LSAMP: variants seen among roughly 807,000 people sequenced by gnomAD.
LSAMP encodes limbic system associated membrane protein.
A neutral mutation model predicts 38.6 loss-of-function variants in LSAMP; 7 were observed. That is an observed-to-expected ratio of 0.18 (90% confidence interval 0.10 to 0.34). LSAMP has a LOEUF of 0.34. LSAMP is among the 10% of genes least tolerant of loss of function. The pLI is 1.00. For synonymous variants in LSAMP, 154 were observed against 166.8 expected (o/e 0.92, Z 0.59); for missense variants, 313 against 420.0 (o/e 0.75, Z 2.23).
chr3:115,988,486 A>C (rs562693261), intron 3 of LSAMP, among the ~76,000 whole-genome samples: 1 of 152,132 alleles, frequency 6.6e-6, no homozygotes, highest in Non-Finnish European at 1.5e-5. Flanking sequence ...TTTTAAGAGA[A>C]ATATGAGGTC....
chr3:116,169,250 T>A (rs1315785599), intron 1 of LSAMP, among the ~76,000 whole-genome samples: 1 of 151,654 alleles, frequency 6.6e-6, no homozygotes, highest in East Asian at 1.9e-4. Context: ...CTGTTGGGAG[T>A]CAGGATAAGG....
In LSAMP at chr3:116,323,305, T is replaced by C. The variant is rs531787252; in HGVS notation, c.155+121572A>G. On this transcript the variant is annotated intron_variant, in intron 1 of 6. Coordinates refer to ENST00000490035, the MANE Select transcript of LSAMP (RefSeq NM_002338.5). ...CCCTTACTTTTGCATACCTTTTTTT[T>C]CCCCCAAACTATATCTGGTCAATCA... 1.3e-4 allele frequency among the ~76,000 whole-genome samples: 20 copies of C among 152,204 alleles called. No individual in the cohort carries two copies. In the South Asian group the frequency reaches 3.3e-3, roughly 25 times the overall value.
intron 3 of LSAMP, among the ~76,000 whole-genome samples, chr3:115,941,586 T>TAC (rs1435449152): frequency 1.3e-5 from 2 of 151,766 alleles, no homozygotes; most frequent in Admixed American, 6.6e-5. Context: ...CACACACAGA[T>TAC]ACACACACAC....
At chr3:116,235,050 C>T (rs2046448371) in intron 1 of LSAMP, among the ~76,000 whole-genome samples, 1 of 151,908 alleles carries the variant, frequency 6.6e-6, no homozygotes, top group African/African-American at 2.4e-5. Context: ...TTCTAAAAGA[C>T]ATAATTTGGA....
chr3:116,268,697 T>A (rs202055589), intron 1 of LSAMP, among the ~76,000 whole-genome samples: 2 of 28,334 alleles, frequency 7.1e-5, no homozygotes, highest in Non-Finnish European at 7.8e-4. Context: ...TTTTCTATTT[T>A]TCTTTCTTTC....
At chr3:116,348,092 C>T (rs1038447843) in intron 1 of LSAMP, among the ~76,000 whole-genome samples, 3 of 151,700 alleles carry the variant, frequency 2.0e-5, no homozygotes, top group Non-Finnish European at 2.9e-5. Context: ...CTTCCACTCT[C>T]GAAATTTCAC....
chr3:116,020,642 C>T (rs1021568469), intron 2 of LSAMP, among the ~76,000 whole-genome samples: 3 of 152,154 alleles, frequency 2.0e-5, no homozygotes, highest in South Asian at 4.1e-4. Flanking sequence ...GCTGTACTGC[C>T]GTCTGACTTC....
chr3:115,840,781 A>C (rs1307831838), intron 6 of LSAMP, among the ~76,000 whole-genome samples: 1 of 152,240 alleles, frequency 6.6e-6, no homozygotes, highest in East Asian at 1.9e-4. Flanking sequence ...AGCAAGATAG[A>C]AACATTTCTT....
At chr3:116,042,329 T>C (rs938042306) in intron 2 of LSAMP, among the ~76,000 whole-genome samples, 2 of 152,214 alleles carry the variant, frequency 1.3e-5, no homozygotes, top group Non-Finnish European at 2.9e-5. Context: ...TTTTATTTTA[T>C]GGATGATAAA....
intron 1 of LSAMP, among the ~76,000 whole-genome samples, chr3:116,410,089 G>T (rs1366546840): frequency 6.6e-6 from 1 of 151,980 alleles, no homozygotes; most frequent in Non-Finnish European, 1.5e-5. Context: ...CATCCTTTCT[G>T]AGTTTTCATT....
chr3:116,071,962 G>A (rs1707615962), intron 2 of LSAMP, among the ~76,000 whole-genome samples: 1 of 150,780 alleles, frequency 6.6e-6, no homozygotes, highest in Non-Finnish European at 1.5e-5. Context: ...GTATTCCATG[G>A]TGTATATGTA....
intron 1 of LSAMP, among the ~76,000 whole-genome samples, chr3:116,110,486 G>GT (rs1708580652): frequency 1.3e-5 from 2 of 152,182 alleles, no homozygotes; most frequent in South Asian, 4.1e-4. Flanking sequence ...CGGCGCCGGA[G>GT]TTTTGGGTCC....
At chr3:116,100,612 C>T (rs528309653) in intron 1 of LSAMP, among the ~76,000 whole-genome samples, 3 of 152,172 alleles carry the variant, frequency 2.0e-5, no homozygotes, top group East Asian at 1.9e-4. Context: ...TTTTGGTCTG[C>T]GATATTGTAT....
chr3:116,337,446 T>A (rs932244561), intron 1 of LSAMP, among the ~76,000 whole-genome samples: 10 of 152,048 alleles, frequency 6.6e-5, no homozygotes, highest in African/African-American at 2.2e-4. Flanking sequence ...AGGAAAATTA[T>A]AACAGCCATT....
intron 1 of LSAMP, among the ~76,000 whole-genome samples, chr3:116,238,169 T>G (rs1298471407): frequency 6.6e-6 from 1 of 152,182 alleles, no homozygotes; most frequent in Non-Finnish European, 1.5e-5. Flanking sequence ...GAGTAATCAA[T>G]CCTCATAGGA....
At chr3:116,358,254 C>A (rs1312012958) in intron 1 of LSAMP, among the ~76,000 whole-genome samples, 2 of 152,150 alleles carry the variant, frequency 1.3e-5, no homozygotes, top group Non-Finnish European at 2.9e-5. Flanking sequence ...CCAAAAACAC[C>A]AGAGCCCTCT....
intron 1 of LSAMP, among the ~76,000 whole-genome samples, chr3:116,254,839 G>A (rs930640834): frequency 1.3e-5 from 2 of 152,108 alleles, no homozygotes; most frequent in Non-Finnish European, 2.9e-5. Context: ...TCATGATTTT[G>A]CCAAGAATTT....
chr3:116,068,938 T>C (rs1458096433), intron 2 of LSAMP, among the ~76,000 whole-genome samples: 1 of 152,134 alleles, frequency 6.6e-6, no homozygotes, highest in Non-Finnish European at 1.5e-5. Flanking sequence ...TAAATTTGCT[T>C]CCCATATTAC....
At chr3:116,039,910 G>T (rs1576325661) in intron 2 of LSAMP, among the ~76,000 whole-genome samples, 1 of 151,888 alleles carries the variant, frequency 6.6e-6, no homozygotes, top group Admixed American at 6.6e-5. Flanking sequence ...CCTCCTTTTT[G>T]CCCTCAACAT....
Sources: allele counts gnomAD v4.1 joint callset (sites outside exome capture counted in the v4.1 genomes callset), GRCh38; gene constraint gnomAD v4.1.1; transcripts MANE v1.5; gene names NCBI Gene and HGNC (gene_info 2026-07-23, HGNC 2026-07-21).